CLSTN2: variants seen among roughly 807,000 people sequenced by gnomAD.
The protein encoded by CLSTN2 is calsyntenin-2.
Under a neutral mutation model 101.2 loss-of-function variants are expected in CLSTN2, and 48 were observed. The ratio of observed to expected loss-of-function variants is 0.47; its 90% CI spans 0.38 to 0.60. The LOEUF (loss-of-function observed/expected upper bound fraction) is 0.60, where lower values mean the gene tolerates loss of function less well. CLSTN2 is among the 20% of genes least tolerant of loss of function. The pLI, the probability that CLSTN2 is intolerant of heterozygous loss-of-function variation, is 0.00. For missense variants in CLSTN2, 1,160 were observed against 1,238.2 expected (o/e 0.94, Z 0.95); for synonymous variants, 481 against 463.6 (o/e 1.04, Z -0.48).
At chr3:140,519,105 G>T (rs1356284971) in intron 8 of CLSTN2, among the ~76,000 whole-genome samples, 1 of 152,204 alleles carries the variant, frequency 6.6e-6, no homozygotes, top group Non-Finnish European at 1.5e-5. Context: ...TCATCCAGGA[G>T]CAGGTTGTGT....
chr3:140,278,000 C>T (rs190554743), intron 2 of CLSTN2, among the ~76,000 whole-genome samples: 4 of 152,288 alleles, frequency 2.6e-5, no homozygotes, highest in Admixed American at 6.5e-5. Context: ...GAGAGATATT[C>T]TCCTTAAAGA....
intron 6 of CLSTN2, among the ~76,000 whole-genome samples, chr3:140,453,523 A>T (rs1436172158): frequency 6.6e-6 from 1 of 152,146 alleles, no homozygotes; most frequent in Non-Finnish European, 1.5e-5. Flanking sequence ...TTAAAAGATC[A>T]TGTAGTTCTA....
At chr3:140,217,284 T>C (rs2010933221) in intron 2 of CLSTN2, among the ~76,000 whole-genome samples, 2 of 152,170 alleles carry the variant, frequency 1.3e-5, no homozygotes, top group Non-Finnish European at 2.9e-5. Context: ...AGAAGCAATT[T>C]TGTGCCAAAG....
chr3:139,938,390 G>T (rs1419125652), intron 1 of CLSTN2, among the ~76,000 whole-genome samples: 2 of 152,148 alleles, frequency 1.3e-5, no homozygotes, highest in Non-Finnish European at 2.9e-5. Flanking sequence ...CTTGCTTCTT[G>T]CTTTAGGGAC....
chr3:140,521,070 T>C (rs1372699055), intron 8 of CLSTN2, among the ~76,000 whole-genome samples: 2 of 150,176 alleles, frequency 1.3e-5, no homozygotes, highest in African/African-American at 4.9e-5. Flanking sequence ...TTTTTTGCAT[T>C]GAGTTACAAC....
chr3:140,103,280 G>A (rs954757471), intron 1 of CLSTN2, among the ~76,000 whole-genome samples: 1 of 152,152 alleles, frequency 6.6e-6, no homozygotes, highest in African/African-American at 2.4e-5. Flanking sequence ...ACTTCCACAT[G>A]GCCTTCTCAC....
In CLSTN2 at chr3:140,564,011, G is replaced by A. The variant is rs755296681; in HGVS notation, c.2533G>A (p.Val845Met). 4 of 1,614,148 alleles carry A rather than the reference G, an allele frequency of 2.5e-6. No homozygotes were observed. The highest frequency in any genetic ancestry group is 2.5e-6 in the Non-Finnish European group (3 of 1,180,014). Residue 845 changes from valine to methionine, a missense_variant, in exon 16 of 17, where the codon GTG becomes ATG. Coordinates refer to ENST00000458420, the MANE Select transcript of CLSTN2 (RefSeq NM_022131.3). ...CATCATCATCTCCGTGTGCATGCTT[G>A]TGTTTGTCGTGGCCATGGGTGTGTA... is the stretch of plus-strand genomic sequence containing the variant. ...VVIIISVCMLVFVVAMGVYRV... is the reference protein window; with the variant it reads ...VVIIISVCMLMFVVAMGVYRV...
intron 16 of CLSTN2, 22 bp from the exon 17 acceptor site, chr3:140,566,031 G>T (rs1936018708): frequency 6.2e-7 from 1 of 1,613,908 alleles, no homozygotes; most frequent in East Asian, 2.2e-5. Flanking sequence ...ATGAGCATTT[G>T]CTTTTTCTCC....
intron 2 of CLSTN2, among the ~76,000 whole-genome samples, chr3:140,188,672 G>T (rs2010515538): frequency 6.6e-6 from 1 of 152,104 alleles, no homozygotes; most frequent in Non-Finnish European, 1.5e-5. Flanking sequence ...ACCCAGCATT[G>T]GGTGATTATT....
At chr3:140,061,865 G>T (rs1202729232) in intron 1 of CLSTN2, among the ~76,000 whole-genome samples, 1 of 152,288 alleles carries the variant, frequency 6.6e-6, no homozygotes, top group Non-Finnish European at 1.5e-5. Context: ...TAGCTAAAAG[G>T]TCAATTCTTC....
At chr3:140,404,143 C>T (rs2088277408) in intron 3 of CLSTN2, among the ~76,000 whole-genome samples, 1 of 152,262 alleles carries the variant, frequency 6.6e-6, no homozygotes, top group Non-Finnish European at 1.5e-5. Flanking sequence ...TTCCCTGGGC[C>T]TCTGCCGTGC....
intron 2 of CLSTN2, among the ~76,000 whole-genome samples, chr3:140,271,616 C>T (rs935345458): frequency 3.9e-5 from 6 of 152,138 alleles, no homozygotes; most frequent in Non-Finnish European, 2.9e-5. Flanking sequence ...CATAAGGGCA[C>T]TAATCCCATT....
chr3:140,110,668 G>C (rs1487114181), intron 1 of CLSTN2, among the ~76,000 whole-genome samples: 1 of 152,006 alleles, frequency 6.6e-6, no homozygotes, highest in African/African-American at 2.4e-5. Flanking sequence ...ATCTAGGGAA[G>C]CTAAGGTTCC....
In CLSTN2 at chr3:140,566,365, C is replaced by CT. The variant is rs1247393273; in HGVS notation, c.*114dup. The CT allele has an allele frequency of 9.2e-7, 1 of 1,088,042 alleles. No homozygotes were observed. The highest frequency in any genetic ancestry group is 1.3e-6 in the Non-Finnish European group (1 of 744,870). The allele number at this position is 1,088,042 out of a possible 1,614,324, so 67.4% of individuals were successfully genotyped here. On this transcript the variant is annotated 3_prime_UTR_variant, in exon 17 of 17. Transcript: ENST00000458420. The stretch of plus-strand genomic sequence containing the variant: ...ATGTCTGTGACATGTCTGGGAAGGC[C>CT]TTCTCCAGCTTCCTGGAGCCCACCC...
intron 1 of CLSTN2, among the ~76,000 whole-genome samples, chr3:140,101,093 T>TAC (rs2008958277): frequency 1.3e-5 from 2 of 152,200 alleles, no homozygotes; most frequent in African/African-American, 4.8e-5. Flanking sequence ...AACTATTGGT[T>TAC]ACATGTCCTT....
chr3:140,168,713 A>G (rs774685311), intron 1 of CLSTN2, among the ~76,000 whole-genome samples: 5 of 152,026 alleles, frequency 3.3e-5, no homozygotes, highest in Admixed American at 3.3e-4. Context: ...TTTTTGGCAT[A>G]TAGATATTCA....
intron 1 of CLSTN2, among the ~76,000 whole-genome samples, chr3:140,074,824 T>C (rs770580943): frequency 2.6e-5 from 4 of 152,196 alleles, no homozygotes; most frequent in East Asian, 1.9e-4. Flanking sequence ...AAAGTTCTCC[T>C]TGTGGGATCC....
chr3:140,394,572 T>C (rs934709594), intron 2 of CLSTN2, among the ~76,000 whole-genome samples: 1 of 152,232 alleles, frequency 6.6e-6, no homozygotes. Context: ...TTGTCTGTGT[T>C]CTCACAATAC....
intron 2 of CLSTN2, among the ~76,000 whole-genome samples, chr3:140,333,510 C>T (rs2087408520): frequency 6.6e-6 from 1 of 152,148 alleles, no homozygotes; most frequent in Admixed American, 6.5e-5. Flanking sequence ...ACCCCTGTGC[C>T]CATGGTCTGA....
Sources: allele counts gnomAD v4.1 joint callset (sites outside exome capture counted in the v4.1 genomes callset), GRCh38; gene constraint gnomAD v4.1.1; transcripts MANE v1.5; gene names NCBI Gene and HGNC (gene_info 2026-07-23, HGNC 2026-07-21).